The following DESI2 variants were observed in gnomAD, a reference collection of about 807,000 sequenced individuals.
The protein encoded by DESI2 is deubiquitinase DESI2.
Under a neutral mutation model 24.1 loss-of-function variants are expected in DESI2, and 10 were observed. That is an observed-to-expected ratio of 0.41 (90% CI 0.26 to 0.70). DESI2 has a LOEUF of 0.70. Among genes scored for constraint, DESI2 ranks in the 30% least tolerant of loss-of-function variants. The pLI, the probability that DESI2 is intolerant of heterozygous loss-of-function variation, is 0.29. For synonymous variants in DESI2, 71 were observed against 87.7 expected (o/e 0.81, Z 1.06); for missense variants, 122 against 234.9 (o/e 0.52, Z 3.14).
intron 4 of DESI2, among the ~76,000 whole-genome samples, chr1:244,697,930 G>C (rs1159437457): frequency 2.0e-5 from 3 of 152,192 alleles, no homozygotes; most frequent in Non-Finnish European, 4.4e-5. Flanking sequence ...TCAGTTGTTA[G>C]CCTACCTGCA....
At chr1:244,697,791 C>T (rs949429185) in intron 4 of DESI2, among the ~76,000 whole-genome samples, 27 of 152,020 alleles carry the variant, frequency 1.8e-4, no homozygotes, top group African/African-American at 6.0e-4. Context: ...CCAAAAATTC[C>T]CAAAGATGAG....
chr1:244,664,012 C>T lies in DESI2; in HGVS notation c.42+10657C>T, dbSNP rs558425914. Among the ~76,000 whole-genome samples the T allele has an allele frequency of 2.0e-4, 24 of 118,910 alleles. No homozygotes were observed. The South Asian group carries it at 5.7e-3, about 28-fold the overall frequency. 78.0% of individuals were successfully genotyped at this position (118,910 alleles called of 152,430 possible). ...CAGCCTGGGCGACAGAGTGAGACTCCGTCTCAGGAAAAAAAAAAAAAAAAA... is the reference window on the plus strand; with the variant it reads ...CAGCCTGGGCGACAGAGTGAGACTCTGTCTCAGGAAAAAAAAAAAAAAAAA... On this transcript the variant is annotated intron_variant, in intron 1 of 4. Coordinates refer to ENST00000302550, the MANE Select transcript of DESI2 (RefSeq NM_016076.5).
chr1:244,691,852 C>A, intron 3 of DESI2, 27 bp from the exon 4 acceptor site: 1 of 1,524,334 alleles, frequency 6.6e-7, no homozygotes, highest in Non-Finnish European at 8.8e-7. Flanking sequence ...ATTTTTCTTT[C>A]TCTTTTTTTT....
chr1:244,672,444 T>C (rs1402648945), intron 1 of DESI2, among the ~76,000 whole-genome samples: 10 of 152,194 alleles, frequency 6.6e-5, no homozygotes, highest in Non-Finnish European at 1.5e-4. Context: ...GAGCCATGCT[T>C]GTACAGCCTG....
rs938791648 is a variant in DESI2 at position 244,660,789 on chromosome 1, T to C, written c.42+7434T>C. Among the ~76,000 whole-genome samples the C allele has an allele frequency of 2.0e-5, 3 of 152,368 alleles. No homozygotes were observed. In the East Asian group the frequency reaches 5.8e-4, roughly 29 times the overall value. ...TTATTTGAAATAAGTCTTTCCTCTC[T>C]AAATTGTGATGTCATCCTTAATCAT... On this transcript the variant is annotated intron_variant, in intron 1 of 4. Transcript: ENST00000302550.
chr1:244,670,995 A>C (rs1454994877), intron 1 of DESI2, among the ~76,000 whole-genome samples: 1 of 152,226 alleles, frequency 6.6e-6, no homozygotes, highest in Admixed American at 6.5e-5. Flanking sequence ...TGGGCTTTCT[A>C]GTTTGATCCT....
chr1:244,658,703 C>T, intron 1 of DESI2, among the ~76,000 whole-genome samples: 1 of 152,128 alleles, frequency 6.6e-6, no homozygotes, highest in East Asian at 1.9e-4. Flanking sequence ...TGATCTTCCT[C>T]TTTGTGCCAA....
chr1:244,658,356 T>C (rs1675719788), intron 1 of DESI2, among the ~76,000 whole-genome samples: 1 of 152,218 alleles, frequency 6.6e-6, no homozygotes, highest in South Asian at 2.1e-4. Flanking sequence ...CCCATATCTT[T>C]ATGCATGCCC....
At chr1:244,657,780 C>T (rs897710714) in intron 1 of DESI2, among the ~76,000 whole-genome samples, 3 of 152,196 alleles carry the variant, frequency 2.0e-5, no homozygotes, top group African/African-American at 7.2e-5. Flanking sequence ...CCTCAGTCAG[C>T]AGTATGTGAA....
intron 4 of DESI2, among the ~76,000 whole-genome samples, chr1:244,695,336 G>A (rs952569752): frequency 5.9e-5 from 9 of 152,170 alleles, no homozygotes; most frequent in African/African-American, 9.7e-5. Flanking sequence ...AATGCCACTC[G>A]TCTAATCTAA....
At chr1:244,665,945 C>T (rs189305227) in intron 1 of DESI2, among the ~76,000 whole-genome samples, 3 of 152,106 alleles carry the variant, frequency 2.0e-5, no homozygotes, top group Non-Finnish European at 4.4e-5. Context: ...TAGTTAAAAT[C>T]AGCTCACCAT....
intron 1 of DESI2, among the ~76,000 whole-genome samples, chr1:244,670,061 A>AT (rs957689486): frequency 3.3e-5 from 5 of 151,630 alleles, no homozygotes; most frequent in African/African-American, 1.2e-4. Context: ...GGTTCAAGTG[A>AT]TTCTCCTGTC....
At chr1:244,682,723 G>C (rs141455205) in intron 1 of DESI2, among the ~76,000 whole-genome samples, 56 of 152,270 alleles carry the variant, frequency 3.7e-4, no homozygotes, top group Non-Finnish European at 7.5e-4. Flanking sequence ...ACAAATGAGC[G>C]TGGCTGTGTT....
intron 4 of DESI2, among the ~76,000 whole-genome samples, chr1:244,692,911 A>G (rs1157787741): frequency 6.6e-6 from 1 of 152,210 alleles, no homozygotes; most frequent in Non-Finnish European, 1.5e-5. Context: ...AGATCCCCAG[A>G]TGACTCATAT....
At chr1:244,704,665 T>G (rs550561677) in intron 4 of DESI2, among the ~76,000 whole-genome samples, 20 of 151,614 alleles carry the variant, frequency 1.3e-4, no homozygotes, top group Admixed American at 3.3e-4. Flanking sequence ...GGAAAACACT[T>G]TGTGTGTGTG....
intron 1 of DESI2, among the ~76,000 whole-genome samples, chr1:244,683,337 A>G (rs1234669562): frequency 6.6e-6 from 1 of 151,428 alleles, no homozygotes; most frequent in African/African-American, 2.5e-5. Context: ...TTTGAGACAG[A>G]GTCTCGCTCT....
In DESI2 at chr1:244,694,379, A is replaced by T. The variant is rs536333115; in HGVS notation, c.351+2359A>T. The T allele has an allele frequency of 1.1e-3, 605 of 553,478 alleles. 2 individuals carry two copies. Among genetic ancestry groups the T allele is most frequent in the African/African-American group, 8.6e-3 (450 of 52,628 alleles). 34.3% of individuals were successfully genotyped at this position (553,478 alleles called of 1,614,324 possible). On this transcript the variant is annotated intron_variant, in intron 4 of 4. Coordinates refer to ENST00000302550, the MANE Select transcript of DESI2 (RefSeq NM_016076.5). ...AAGTTCAAACTTTAGTATTCATAAA[A>T]TTTTTTTTTTTAAACCGGAACATCT... is the stretch of plus-strand genomic sequence containing the variant.
intron 1 of DESI2, among the ~76,000 whole-genome samples, chr1:244,681,327 T>C (rs1676605454): frequency 6.6e-6 from 1 of 152,164 alleles, no homozygotes; most frequent in Non-Finnish European, 1.5e-5. Flanking sequence ...CTTCTTCCAT[T>C]CCATTTCCTC....
intron 1 of DESI2, among the ~76,000 whole-genome samples, chr1:244,675,130 C>A (rs1196971938): frequency 2.0e-5 from 3 of 151,944 alleles, no homozygotes; most frequent in African/African-American, 7.3e-5. Context: ...AGATCCTTTG[C>A]CCATTTTTTA....
Sources: gnomAD v4.1 joint callset for allele counts (sites outside exome capture counted in the v4.1 genomes callset) on GRCh38, gnomAD v4.1.1 for gene constraint, MANE v1.5 for transcripts, NCBI Gene and HGNC (gene_info 2026-07-23, HGNC 2026-07-21) for gene names.